The following TRIM3 variants were observed in gnomAD, a reference collection of about 807,000 sequenced individuals.
The protein encoded by TRIM3 is tripartite motif containing 3, also known as tripartite motif-containing protein 3.
In TRIM3, 13 loss-of-function variants were observed where a neutral mutation model predicts 66.6. The ratio of observed to expected loss-of-function variants is 0.20; its 90% confidence interval spans 0.13 to 0.31. TRIM3 has a LOEUF of 0.31. Ranked by LOEUF, TRIM3 falls within the 10% of genes least tolerant of loss-of-function variation. The pLI is 1.00. For missense variants in TRIM3, 711 were observed against 1,020.4 expected (o/e 0.70, Z 4.13); for synonymous variants, 406 against 411.7 (o/e 0.99, Z 0.17).
At position 6,458,230 on chromosome 11, in the gene TRIM3, G is replaced by A. The variant is rs1221151411; in HGVS notation, c.198C>T (p.Ser66=). 3 of 1,614,120 alleles carry A rather than the reference G, an allele frequency of 1.9e-6. No homozygotes were observed. In the African/African-American group the frequency reaches 4.0e-5, roughly 22 times the overall value. Residue 66 remains serine (S), a synonymous_variant, in exon 3 of 12, where the codon TCC becomes TCT. Coordinates refer to ENST00000345851, the MANE Select transcript of TRIM3 (RefSeq NM_033278.4). The surrounding 1 kb of genome is among the most constrained non-coding windows in gnomAD (Gnocchi z 6.2). ...CCGAGACGCCCTGCTCTGGGAGGAT[G>A]GACGTCTGCCGGCATACTGGACAGG... is the stretch of plus-strand genomic sequence containing the variant. ...TLSCPVCRQT[S]ILPEQGVSAL...
chr11:6,465,704 C>T lies in TRIM3; in HGVS notation c.-9G>A, dbSNP rs1007169102. On this transcript the variant is annotated 5_prime_UTR_variant, in exon 2 of 12. It adds an upstream start codon to the 5' untranslated region. Transcript: ENST00000345851. The stretch of plus-strand genomic sequence containing the variant: ...TCCTCCCTCTTTGCCATGGCGCCCA[C>T]AGATGGCTCCCGCCACTCACACCAG... The T allele has an allele frequency of 3.7e-6, 6 of 1,611,506 alleles. No homozygotes were observed. Among genetic ancestry groups the T allele is most frequent in the African/African-American group, 2.7e-5 (2 of 74,928 alleles).
At chr11:6,455,277 C>A (rs928812844) in intron 7 of TRIM3, among the ~76,000 whole-genome samples, 1 of 152,090 alleles carries the variant, frequency 6.6e-6, no homozygotes, top group Non-Finnish European at 1.5e-5. Flanking sequence ...CATGAGTTAA[C>A]TGAAGCTCAA....
intron 7 of TRIM3, chr11:6,453,164 C>T (rs774892751): frequency 5.9e-5 from 9 of 152,240 alleles, no homozygotes; most frequent in Non-Finnish European, 2.9e-5. Context: ...ACATAGTAGG[C>T]ATTCAACAAA....
intron 8 of TRIM3, 49 bp from the exon 9 acceptor site, chr11:6,451,109 A>G: frequency 1.2e-6 from 2 of 1,609,490 alleles, no homozygotes; most frequent in Non-Finnish European, 1.7e-6. Context: ...CAGTGGGGAA[A>G]GTAGTCCTAA....
Position 6,456,107 on chromosome 11 carries a change from T to C in TRIM3, c.1498A>G (p.Ile500Val). Residue 500 changes from isoleucine to valine, a missense_variant, in exon 7 of 12, where the codon ATC becomes GTC. By Grantham distance (29) the Ile-to-Val change is conservative. This residue lies in a region of TRIM3 where 399 missense variants were observed against 458.1 expected (regional missense o/e 0.87). Coordinates refer to ENST00000345851, the MANE Select transcript of TRIM3 (RefSeq NM_033278.4). This position sits in a 1 kb window ranked among gnomAD's most constrained non-coding sequence, Gnocchi z 6.4. Reference protein sequence around the residue: ...QGVSAASSGRIVVADSNNQCI... With the variant: ...QGVSAASSGRVVVADSNNQCI... ...TGGTTGTTGCTGTCTGCTACCACGA[T>C]GCGGCCGCTGCTGGCTGCGGACACA... 6.2e-7 allele frequency: 1 copy of C among 1,614,228 alleles called. No individual in the cohort carries two copies. The highest frequency in any genetic ancestry group is 8.5e-7 in the Non-Finnish European group (1 of 1,180,040).
In TRIM3 at chr11:6,450,053, C is replaced by T. The variant is rs1303662232; in HGVS notation, c.1941+498G>A. The stretch of plus-strand genomic sequence containing the variant: ...CCTCACTCTCAGCTTTCACGGTCCC[C>T]TCCTCAAGCTGAGTCTGAACTACTT... On this transcript the variant is annotated intron_variant, in intron 10 of 11. Coordinates refer to ENST00000345851, the MANE Select transcript of TRIM3 (RefSeq NM_033278.4). The surrounding 1 kb of genome is among the most constrained non-coding windows in gnomAD (Gnocchi z 4.8). 1 of 159,702 alleles carries T rather than the reference C, an allele frequency of 6.3e-6. No homozygotes were observed. The highest frequency in any genetic ancestry group is 1.4e-5 in the Non-Finnish European group (1 of 72,734). 9.9% of individuals were successfully genotyped at this position (159,702 alleles called of 1,614,324 possible).
chr11:6,471,225 G>T (rs1052405388), intron 1 of TRIM3, among the ~76,000 whole-genome samples: 7 of 152,256 alleles, frequency 4.6e-5, no homozygotes, highest in Non-Finnish European at 1.0e-4. Context: ...ACACAGTTGT[G>T]AATGGAGGTA....
intron 1 of TRIM3, among the ~76,000 whole-genome samples, chr11:6,469,981 T>C (rs1356256482): frequency 3.3e-5 from 5 of 152,228 alleles, no homozygotes; most frequent in African/African-American, 9.6e-5. Context: ...AGAAACAAGA[T>C]GGAGAGGTAG....
intron 7 of TRIM3, 60 bp from the exon 8 acceptor site, chr11:6,451,498 A>G: frequency 6.3e-7 from 1 of 1,576,204 alleles, no homozygotes; most frequent in Admixed American, 1.7e-5. Flanking sequence ...GGGCACAGAC[A>G]GAAGGGAGTA....
At position 6,458,883 on chromosome 11, in the gene TRIM3, G is replaced by T. The variant is rs193168499; in HGVS notation, c.132-587C>A. Among the ~76,000 whole-genome samples the T allele has an allele frequency of 4.7e-4, 71 of 152,320 alleles. No homozygotes were observed. In the Middle Eastern group the frequency reaches 0.01, roughly 22 times the overall value. ...TTGACAAGCCAAGGACTCTTCCTTTGTAAGATGGAGAAGTACAGACTTCAC... is the reference window on the plus strand; with the variant it reads ...TTGACAAGCCAAGGACTCTTCCTTTTTAAGATGGAGAAGTACAGACTTCAC... On this transcript the variant is annotated intron_variant, in intron 2 of 11. Transcript: ENST00000345851. This position sits in a 1 kb window ranked among gnomAD's most constrained non-coding sequence, Gnocchi z 6.2.
At position 6,449,695 on chromosome 11, in the gene TRIM3, C is replaced by G; in HGVS notation, c.1942-249G>C. The G allele has an allele frequency of 2.3e-6, 1 of 436,316 alleles. No homozygotes were observed. The highest frequency in any genetic ancestry group is 4.1e-6 in the Non-Finnish European group (1 of 244,164). 27.0% of individuals were successfully genotyped at this position (436,316 alleles called of 1,614,324 possible). On this transcript the variant is annotated intron_variant, in intron 10 of 11. Coordinates refer to ENST00000345851, the MANE Select transcript of TRIM3 (RefSeq NM_033278.4). This position sits in a 1 kb window ranked among gnomAD's most constrained non-coding sequence, Gnocchi z 5.3. Reference sequence around the variant, plus strand: ...GAAATCAGTTCTCTTAGTTCTCTATCTCAATGACTGGTGCCACCCAGCTGG... The same window carrying G: ...GAAATCAGTTCTCTTAGTTCTCTATGTCAATGACTGGTGCCACCCAGCTGG...
chr11:6,453,596 A>G (rs1036724902), intron 7 of TRIM3, among the ~76,000 whole-genome samples: 13 of 152,384 alleles, frequency 8.5e-5, no homozygotes, highest in African/African-American at 2.6e-4. Flanking sequence ...GGCTGAGGGA[A>G]CTGAGAAGAA....
chr11:6,465,170 G>A (rs1850404805), intron 2 of TRIM3, among the ~76,000 whole-genome samples: 1 of 152,108 alleles, frequency 6.6e-6, no homozygotes, highest in South Asian at 2.1e-4. Context: ...CTCAGTACCT[G>A]AGGACAACAA....
Position 6,465,716 on chromosome 11 carries a change from G to A in TRIM3, c.-21C>T, listed in dbSNP as rs1021070994. 35 of 1,613,164 alleles carry A rather than the reference G, an allele frequency of 2.2e-5. No individual in the cohort carries two copies. The Admixed American group carries it at 5.7e-4, about 26-fold the overall frequency. ...GCCATGGCGCCCACAGATGGCTCCC[G>A]CCACTCACACCAGCCTCTGTATGGA... On this transcript the variant is annotated 5_prime_UTR_variant, in exon 2 of 12. Coordinates refer to ENST00000345851, the MANE Select transcript of TRIM3 (RefSeq NM_033278.4).
intron 1 of TRIM3, among the ~76,000 whole-genome samples, chr11:6,467,512 T>C (rs1346081914): frequency 6.6e-6 from 1 of 152,186 alleles, no homozygotes; most frequent in Non-Finnish European, 1.5e-5. Context: ...ATACCTGTAA[T>C]ACTAGCACTT....
chr11:6,460,714 T>A (rs1209290784), intron 2 of TRIM3, among the ~76,000 whole-genome samples: 1 of 152,112 alleles, frequency 6.6e-6, no homozygotes, highest in Non-Finnish European at 1.5e-5. Context: ...GGACCTCAAA[T>A]TTGTGGAGTG....
chr11:6,473,707 G>A (rs1409807089), intron 1 of TRIM3, 84 bp downstream of exon 1: 1 of 152,432 alleles, frequency 6.6e-6, no homozygotes, highest in Non-Finnish European at 1.5e-5. Flanking sequence ...AAAATCATCT[G>A]TGCCCCCACC....
In TRIM3 at chr11:6,450,860, T is replaced by C; in HGVS notation, c.1870+32A>G. On this transcript the variant is annotated intron_variant, in intron 9 of 11. Coordinates refer to ENST00000345851, the MANE Select transcript of TRIM3 (RefSeq NM_033278.4). This position sits in a 1 kb window ranked among gnomAD's most constrained non-coding sequence, Gnocchi z 4.8. ...AGGGGAGTTCTCTGGAACAGGGGTA[T>C]CAGCATAGATCTTGGAGCTGTCCCC... is the stretch of plus-strand genomic sequence containing the variant. The C allele has an allele frequency of 1.2e-6, 2 of 1,612,094 alleles. No homozygotes were observed. Among genetic ancestry groups the C allele is most frequent in the Non-Finnish European group, 1.7e-6 (2 of 1,178,552 alleles).
Position 6,450,884 on chromosome 11 carries a change from C to T in TRIM3, c.1870+8G>A. ...ATCAGCATAGATCTTGGAGCTGTCC[C>T]CCTATACCTGCAAAGTGGCGGTCAG... On this transcript the variant is annotated splice_region_variant and intron_variant, in intron 9 of 11. Transcript: ENST00000345851. This position sits in a 1 kb window ranked among gnomAD's most constrained non-coding sequence, Gnocchi z 4.8. 1 of 1,614,124 alleles carries T rather than the reference C, an allele frequency of 6.2e-7. No homozygotes were observed. The highest frequency in any genetic ancestry group is 1.1e-5 in the South Asian group (1 of 91,078).
Sources: allele counts gnomAD v4.1 joint callset (sites outside exome capture counted in the v4.1 genomes callset), GRCh38; gene constraint gnomAD v4.1.1; regional missense constraint gnomAD v4.1.1; non-coding constraint Gnocchi (gnomAD v3.1); transcripts MANE v1.5; gene names NCBI Gene and HGNC (gene_info 2026-07-23, HGNC 2026-07-21).